The following COL13A1 variants were observed in gnomAD, a reference collection of about 807,000 sequenced individuals.
The protein encoded by COL13A1 is collagen alpha-1(XIII) chain.
In COL13A1, 89 loss-of-function variants were observed where a neutral mutation model predicts 130.9. That is an observed-to-expected ratio of 0.68 (90% CI 0.57 to 0.81). COL13A1 has a LOEUF of 0.81. Ranked by LOEUF, COL13A1 falls within the 30% of genes least tolerant of loss-of-function variation. The pLI is 0.00. For synonymous variants in COL13A1, 402 were observed against 341.6 expected, an observed-to-expected ratio of 1.18 and a Z score of -1.95; for missense variants, 879 against 934.6, an observed-to-expected ratio of 0.94 and a Z score of 0.78.
Position 69,877,688 on chromosome 10 carries a change from C to CTG in COL13A1, c.436-350_436-349insGT, listed in dbSNP as rs1564922955. On this transcript the variant is annotated intron_variant, in intron 5 of 40. Transcript: ENST00000645393. Reference sequence around the variant, plus strand: ...TCTCTCTCTCTGTCTCTCTCTCTCTCTCTCTCTCTCTCACACACACACACA... The same window carrying CTG: ...TCTCTCTCTCTGTCTCTCTCTCTCTCTGTCTCTCTCTCTCACACACACACACA... The CTG allele has an allele frequency of 1.7e-5, 2 of 116,544 alleles. 1 individual carries two copies. The highest frequency in any genetic ancestry group is 5.8e-4 in the South Asian group (2 of 3,470). 7.2% of individuals were successfully genotyped at this position (116,544 alleles called of 1,614,324 possible).
intron 5 of COL13A1, among the ~76,000 whole-genome samples, chr10:69,875,764 G>A (rs2059513959): frequency 6.6e-6 from 1 of 152,254 alleles, no homozygotes; most frequent in Non-Finnish European, 1.5e-5. Flanking sequence ...AAATGGGAAG[G>A]CCAGCCTCAG....
rs545835423 is a variant in COL13A1 at position 69,881,385 on chromosome 10, CT to C, written c.513+833del. 1.9e-4 allele frequency among the ~76,000 whole-genome samples: 29 copies of C among 152,286 alleles called. No homozygotes were observed. The East Asian group carries it at 5.0e-3, about 26-fold the overall frequency. ...AGCAGCAGGCCGCCGGCTCCACCTT[CT>C]GCACTTTTCCTGACCCGCCGTGCTC... is the stretch of plus-strand genomic sequence containing the variant. On this transcript the variant is annotated intron_variant, in intron 7 of 40. Transcript: ENST00000645393.
intron 17 of COL13A1, among the ~76,000 whole-genome samples, chr10:69,916,662 G>A (rs2063958147): frequency 6.6e-6 from 1 of 152,206 alleles, no homozygotes; most frequent in African/African-American, 2.4e-5. Flanking sequence ...TGCTGTCCCA[G>A]AGGAGCAACA....
chr10:69,909,577 T>G (rs2063148513), intron 17 of COL13A1, among the ~76,000 whole-genome samples: 1 of 152,210 alleles, frequency 6.6e-6, no homozygotes, highest in Admixed American at 6.5e-5. Context: ...AACTCTCCAC[T>G]GCCTCCAAGT....
At chr10:69,905,689 C>A in intron 16 of COL13A1, 98 bp from the exon 17 acceptor site, 1 of 1,367,962 alleles carries the variant, frequency 7.3e-7, no homozygotes, top group South Asian at 1.2e-5. Context: ...AACTTGGAGT[C>A]ATCGAGAGGA....
chr10:69,802,181 G>A lies in COL13A1; in HGVS notation c.-243G>A. 1 of 467,772 alleles carries A rather than the reference G, an allele frequency of 2.1e-6. No homozygotes were observed. The highest frequency in any genetic ancestry group is 3.7e-6 in the Non-Finnish European group (1 of 272,256). 29.0% of individuals were successfully genotyped at this position (467,772 alleles called of 1,614,324 possible). A position where few individuals can be genotyped will look rare whatever the true frequency, so the allele number is the denominator to read the frequency against. ...CCCCTAACTTTCCTGGACTTGGAAC[G>A]TTCTTCGAAATAACTTTTTTCTCAC... On this transcript the variant is annotated 5_prime_UTR_variant, in exon 1 of 41. Transcript: ENST00000645393.
Position 69,860,521 on chromosome 10 carries a change from T to C in COL13A1, c.365-7277T>C, listed in dbSNP as rs116449620. On this transcript the variant is annotated intron_variant, in intron 2 of 40. Transcript: ENST00000645393. ...GCTCAACCCTTAGCCTTTCAGGTTCTCATCAGCTGTCGAGACACCATTTCC... is the reference window on the plus strand; with the variant it reads ...GCTCAACCCTTAGCCTTTCAGGTTCCCATCAGCTGTCGAGACACCATTTCC... Among the ~76,000 whole-genome samples the C allele has an allele frequency of 9.0e-3, 1,368 of 152,352 alleles. 24 individuals carry two copies. The highest frequency in any genetic ancestry group is 0.031 in the African/African-American group (1,300 of 41,582).
chr10:69,836,971 G>A (rs1463130321), intron 2 of COL13A1, among the ~76,000 whole-genome samples: 2 of 152,074 alleles, frequency 1.3e-5, no homozygotes, highest in African/African-American at 4.8e-5. Flanking sequence ...GAGGGAGGGT[G>A]GGGCGGGTCC....
chr10:69,872,306 G>T, intron 4 of COL13A1, 96 bp downstream of exon 4: 1 of 1,374,220 alleles, frequency 7.3e-7, no homozygotes, highest in East Asian at 2.4e-5. Flanking sequence ...TTTTCTCCAG[G>T]TGTATCTGGG....
intron 17 of COL13A1, among the ~76,000 whole-genome samples, chr10:69,916,340 G>A (rs568986295): frequency 6.6e-6 from 1 of 152,332 alleles, no homozygotes; most frequent in East Asian, 1.9e-4. Flanking sequence ...AGTGGCAGCA[G>A]GCTGGCTGCA....
chr10:69,936,908 C>A, intron 33 of COL13A1, 126 bp downstream of exon 33: 2 of 1,087,462 alleles, frequency 1.8e-6, no homozygotes, highest in South Asian at 1.4e-5. Flanking sequence ...GGGGTCCAGT[C>A]AGGGCAGGAG....
chr10:69,834,070 T>C (rs1251189046), intron 2 of COL13A1, among the ~76,000 whole-genome samples: 2 of 152,108 alleles, frequency 1.3e-5, no homozygotes, highest in African/African-American at 4.8e-5. Flanking sequence ...CAGTCCCCAG[T>C]CTTTTTGGGA....
intron 16 of COL13A1, 96 bp from the exon 17 acceptor site, chr10:69,905,691 T>C (rs1316199954): frequency 7.2e-7 from 1 of 1,396,912 alleles, no homozygotes; most frequent in Non-Finnish European, 1.0e-6. Flanking sequence ...CTTGGAGTCA[T>C]CGAGAGGAAG....
chr10:69,911,920 C>T (rs570841706), intron 17 of COL13A1, among the ~76,000 whole-genome samples: 6 of 152,322 alleles, frequency 3.9e-5, no homozygotes, highest in Non-Finnish European at 7.3e-5. Flanking sequence ...TGCACCCCTC[C>T]GGCTCCTGTA....
At chr10:69,873,726 A>G (rs2059315522) in intron 4 of COL13A1, among the ~76,000 whole-genome samples, 1 of 152,248 alleles carries the variant, frequency 6.6e-6, no homozygotes, top group South Asian at 2.1e-4. Flanking sequence ...GGTCCTTCGC[A>G]GGCAGAGCCA....
chr10:69,914,169 G>C (rs1013502666), intron 17 of COL13A1, among the ~76,000 whole-genome samples: 4 of 152,182 alleles, frequency 2.6e-5, no homozygotes, highest in Admixed American at 2.6e-4. Context: ...GCTTGAAGCA[G>C]ACACCACCTC....
intron 2 of COL13A1, among the ~76,000 whole-genome samples, chr10:69,859,702 A>T (rs1305104440): frequency 1.3e-5 from 2 of 152,010 alleles, no homozygotes; most frequent in Non-Finnish European, 2.9e-5. Flanking sequence ...TCTCGTCAGG[A>T]CCACTTGCCC....
intron 17 of COL13A1, among the ~76,000 whole-genome samples, chr10:69,916,116 G>C (rs188322283): frequency 3.0e-4 from 46 of 152,320 alleles, no homozygotes; most frequent in African/African-American, 1.1e-3. Flanking sequence ...GGAGAAGGAT[G>C]GACGAGGACC....
At chr10:69,950,780 G>A (rs1033551385) in intron 38 of COL13A1, among the ~76,000 whole-genome samples, 1 of 152,192 alleles carries the variant, frequency 6.6e-6, no homozygotes, top group African/African-American at 2.4e-5. Flanking sequence ...GGCAGTTGCA[G>A]ACCACCTCTG....
Sources: allele counts gnomAD v4.1 joint callset (sites outside exome capture counted in the v4.1 genomes callset), GRCh38; gene constraint gnomAD v4.1.1; transcripts MANE v1.5; gene names NCBI Gene and HGNC (gene_info 2026-07-23, HGNC 2026-07-21).